Variants in PTPRH observed in about 807,000 individuals in gnomAD.
The protein encoded by PTPRH is receptor-type tyrosine-protein phosphatase H.
Under a neutral mutation model 130.2 loss-of-function variants are expected in PTPRH, and 113 were observed. The observed-to-expected ratio is 0.87, with a 90% confidence interval of 0.75 to 1.01. The LOEUF is 1.01. Ranked by LOEUF, PTPRH falls within the 50% of genes least tolerant of loss-of-function variation. The pLI, the probability that PTPRH is intolerant of heterozygous loss-of-function variation, is 0.00. For synonymous variants in PTPRH, 556 were observed against 577.9 expected, an observed-to-expected ratio of 0.96 and a Z score of 0.54; for missense variants, 1,430 against 1,425.0, an observed-to-expected ratio of 1.00 and a Z score of -0.06.
At chr19:55,190,541 ATAAT>A (rs1295796958) in intron 12 of PTPRH, among the ~76,000 whole-genome samples, 1 of 135,178 alleles carries the variant, frequency 7.4e-6, no homozygotes, top group Non-Finnish European at 1.5e-5. Flanking sequence ...TATAATATAT[ATAAT>A]ATATAATATA....
In PTPRH at chr19:55,203,873, A is replaced by G; in HGVS notation, c.795T>C (p.Asp265=). The G allele has an allele frequency of 6.2e-7, 1 of 1,614,152 alleles. No individual in the cohort carries two copies. The highest frequency in any genetic ancestry group is 8.5e-7 in the Non-Finnish European group (1 of 1,180,026). ...RNTTDTRVTV[D]GLGPGSLYTC... ...TATACAATGACCCGGGTCCAAGGCC[A>G]TCCACGGTGACTCTGGTGTCTGTTG... The change falls in exon 5 of 20, where the codon GAT becomes GAC. Residue 265 remains aspartate (D), a synonymous_variant. Transcript: ENST00000376350.
At chr19:55,183,049 GC>G (rs1215012676) in intron 18 of PTPRH, among the ~76,000 whole-genome samples, 3 of 149,572 alleles carry the variant, frequency 2.0e-5, no homozygotes, top group Non-Finnish European at 4.5e-5. Flanking sequence ...TCCCACCTCA[GC>G]CCCCCAAAGT....
chr19:55,206,222 G>C (rs2087047715), intron 3 of PTPRH, among the ~76,000 whole-genome samples: 1 of 148,762 alleles, frequency 6.7e-6, no homozygotes, highest in African/African-American at 2.5e-5. Context: ...GACAGAGCAA[G>C]ACTCTGCCTC....
intron 9 of PTPRH, 93 bp from the exon 10 acceptor site, chr19:55,196,881 C>T: frequency 1.4e-6 from 2 of 1,456,960 alleles, no homozygotes; most frequent in Non-Finnish European, 1.9e-6. Context: ...CGAGCCCATC[C>T]CTTCCTCGCC....
Position 55,206,924 on chromosome 19 carries a change from C to A in PTPRH, c.117G>T (p.Glu39Asp). 6.2e-7 allele frequency: 1 copy of A among 1,608,644 alleles called. No individual in the cohort carries two copies. The highest frequency in any genetic ancestry group is 8.5e-7 in the Non-Finnish European group (1 of 1,176,474). The change falls in exon 3 of 20, where the codon GAG (glutamate) becomes GAT (aspartate). Residue 39 changes from glutamate to aspartate, a missense_variant. By Grantham distance (45) the Glu-to-Asp change is conservative (BLOSUM62 2). Transcript: ENST00000376350. ...APNPGRNLTV[E>D]TQTTSSISLS... is the part of the protein sequence containing the mutation. ...GGGAGATGGAGCTGGTGGTCTGAGTCTCCACTGTCAGGTTCCTCCCTGGGT... is the reference window on the plus strand; with the variant it reads ...GGGAGATGGAGCTGGTGGTCTGAGTATCCACTGTCAGGTTCCTCCCTGGGT...
At chr19:55,186,434 G>A (rs758894659) in intron 15 of PTPRH, 30 bp downstream of exon 15, 1 of 1,613,928 alleles carries the variant, frequency 6.2e-7, no homozygotes, top group Non-Finnish European at 8.5e-7. Context: ...GGCGTGCTGG[G>A]CACCCTTTCA....
chr19:55,200,706 G>A lies in PTPRH; in HGVS notation c.1154-204C>T, dbSNP rs569888845. 1.9e-3 allele frequency among the ~76,000 whole-genome samples: 294 copies of A among 152,276 alleles called. 1 individual carries two copies. The highest frequency in any genetic ancestry group is 6.7e-3 in the African/African-American group (277 of 41,560). On this transcript the variant is annotated intron_variant, in intron 6 of 19. Coordinates refer to ENST00000376350, the MANE Select transcript of PTPRH (RefSeq NM_002842.5). ...GCCTGTAATCCCAGCACTTCGGGAGGCTGAGGCAAGGGGATCACCTGAGGT... is the reference window on the plus strand; with the variant it reads ...GCCTGTAATCCCAGCACTTCGGGAGACTGAGGCAAGGGGATCACCTGAGGT...
chr19:55,184,858 A>G (rs895450788), intron 18 of PTPRH, among the ~76,000 whole-genome samples: 1 of 151,804 alleles, frequency 6.6e-6, no homozygotes, highest in African/African-American at 2.4e-5. Flanking sequence ...GAAGCAGTTG[A>G]TGGGGGAGGC....
At chr19:55,186,943 G>T (rs2147392567) in intron 14 of PTPRH, among the ~76,000 whole-genome samples, 1 of 152,092 alleles carries the variant, frequency 6.6e-6, no homozygotes, top group Admixed American at 6.5e-5. Flanking sequence ...TACTAGGGAG[G>T]CTGAGGCGGG....
chr19:55,188,213 TA>T (rs1295222025), intron 12 of PTPRH, 45 bp from the exon 13 acceptor site: 2 of 1,492,052 alleles, frequency 1.3e-6, no homozygotes, highest in East Asian at 4.5e-5. Flanking sequence ...TAACTTCTTT[TA>T]ATCTTGCACT....
At chr19:55,190,788 C>T (rs2086512965) in intron 12 of PTPRH, among the ~76,000 whole-genome samples, 1 of 150,604 alleles carries the variant, frequency 6.6e-6, no homozygotes, top group Non-Finnish European at 1.5e-5. Context: ...AGCCACCATG[C>T]CTGGCCCTGT....
At chr19:55,192,496 G>A (rs2086572615) in intron 10 of PTPRH, among the ~76,000 whole-genome samples, 1 of 152,144 alleles carries the variant, frequency 6.6e-6, no homozygotes, top group Non-Finnish European at 1.5e-5. Context: ...TTCCAATCAA[G>A]AGTAGGCTAT....
rs756468526 is a variant in PTPRH, at chr19:55,207,195, A to G, written c.56T>C (p.Leu19Pro). Reference sequence around the variant, plus strand: ...CGCCCTGGCCCCTGTCCAGCTGCACAGGCCCTGGAGGGAACCCAGAGAAAA... The same window carrying G: ...CGCCCTGGCCCCTGTCCAGCTGCACGGGCCCTGGAGGGAACCCAGAGAAAA... The part of the protein sequence containing the change: ...GVWGNLVLLG[L>P]CSWTGARAPA... Residue 19 changes from leucine (L) to proline (P), a missense_variant, in exon 2 of 20, where the codon CTG becomes CCG. Coordinates refer to ENST00000376350, the MANE Select transcript of PTPRH (RefSeq NM_002842.5). The G allele has an allele frequency of 1.9e-6, 3 of 1,612,998 alleles. No individual in the cohort carries two copies. Among genetic ancestry groups the G allele is most frequent in the Admixed American group, 3.3e-5 (2 of 59,962 alleles).
At position 55,194,271 on chromosome 19, in the gene PTPRH, G is replaced by T. The variant is rs774087149; in HGVS notation, c.2257+2251C>A. On this transcript the variant is annotated intron_variant, in intron 10 of 19. Transcript: ENST00000376350. ...TGGCCCATCTTCATCAGCCTTGAAG[G>T]CCCCCAAGCTGCAGCTTCTCAGCAA... is the stretch of plus-strand genomic sequence containing the variant. The T allele has an allele frequency of 1.7e-5, 22 of 1,289,374 alleles. No individual in the cohort carries two copies. The South Asian group carries it at 2.6e-4, about 15-fold the overall frequency. 79.9% of individuals were successfully genotyped at this position (1,289,374 alleles called of 1,614,324 possible).
chr19:55,199,154 C>T (rs1448074944), intron 7 of PTPRH, among the ~76,000 whole-genome samples: 1 of 152,116 alleles, frequency 6.6e-6, no homozygotes, highest in Non-Finnish European at 1.5e-5. Context: ...AAAATTAAAA[C>T]AAATTAGCTG....
chr19:55,188,323 G>T (rs199654789), intron 12 of PTPRH, among the ~76,000 whole-genome samples, 155 bp from the exon 13 acceptor site: 1 of 152,076 alleles, frequency 6.6e-6, no homozygotes, highest in African/African-American at 2.4e-5. Flanking sequence ...GACCAGCCTG[G>T]CCAACATGGT....
At chr19:55,207,526 A>G (rs534047757) in intron 1 of PTPRH, among the ~76,000 whole-genome samples, 19 of 152,250 alleles carry the variant, frequency 1.2e-4, no homozygotes, top group African/African-American at 4.3e-4. Flanking sequence ...GGGAAGGGAG[A>G]AAAAAACCAA....
In PTPRH at chr19:55,203,945, G is replaced by A. The variant is rs2122278558; in HGVS notation, c.723C>T (p.Tyr241=). 2 of 1,614,198 alleles carry A rather than the reference G, an allele frequency of 1.2e-6. No homozygotes were observed. Among genetic ancestry groups the A allele is most frequent in the Non-Finnish European group, 1.7e-6 (2 of 1,180,026 alleles). The change falls in exon 5 of 20, where the codon TAC becomes TAT. Residue 241 remains tyrosine, a synonymous_variant. Transcript: ENST00000376350. ...CACCATCTCCAGTGCACTGAACGCA[G>A]TAGGTCGAGTTCTGTGGGTCTGTGC... The part of the protein sequence containing the change: ...PDGTDPQNST[Y]CVQCTGDGGR...
Position 55,198,673 on chromosome 19 carries a change from C to G in PTPRH, c.1660G>C (p.Gly554Arg). 1 of 1,613,068 alleles carries G rather than the reference C, an allele frequency of 6.2e-7. No homozygotes were observed. ...GCTGCAGTGAGGGTGCTGTTATAGCCTCTGACCTCATTCCTCTCGGCCCAG... is the reference window on the plus strand; with the variant it reads ...GCTGCAGTGAGGGTGCTGTTATAGCGTCTGACCTCATTCCTCTCGGCCCAG... ...TVWAERNEVRGYNSTLTAATA... is the reference protein window; with the variant it reads ...TVWAERNEVRRYNSTLTAATA... Residue 554 changes from glycine to arginine, a missense_variant, in exon 8 of 20, where the codon GGC becomes CGC. By Grantham distance (125) the Gly-to-Arg change is moderately radical. Coordinates refer to ENST00000376350, the MANE Select transcript of PTPRH (RefSeq NM_002842.5).
Sources: gnomAD v4.1 joint callset for allele counts (sites outside exome capture counted in the v4.1 genomes callset) on GRCh38, gnomAD v4.1.1 for gene constraint, MANE v1.5 for transcripts, NCBI Gene and HGNC (gene_info 2026-07-23, HGNC 2026-07-21) for gene names.